CD53: variants seen among roughly 807,000 people sequenced by gnomAD.
CD53 encodes leukocyte surface antigen CD53.
In CD53, 20 loss-of-function variants were observed where a neutral mutation model predicts 27.3. The observed-to-expected ratio is 0.73, with a 90% confidence interval of 0.52 to 1.07. CD53 has a LOEUF of 1.07. Among genes scored for constraint, CD53 ranks in the 50% least tolerant of loss-of-function variants. The pLI is 0.00. For missense variants in CD53, 216 were observed against 264.0 expected, an observed-to-expected ratio of 0.82 and a Z score of 1.26; for synonymous variants, 106 against 105.3, an observed-to-expected ratio of 1.01 and a Z score of -0.04.
At chr1:110,883,035 T>C (rs1656419302) in intron 1 of CD53, among the ~76,000 whole-genome samples, 1 of 151,960 alleles carries the variant, frequency 6.6e-6, no homozygotes, top group South Asian at 2.1e-4. Context: ...TTCTTTCCAG[T>C]TTGGATGCCA....
At chr1:110,876,201 A>G (rs559269910) in intron 1 of CD53, among the ~76,000 whole-genome samples, 2 of 152,344 alleles carry the variant, frequency 1.3e-5, no homozygotes, top group Admixed American at 6.5e-5. Flanking sequence ...CTTACTTTTC[A>G]GGTAAAATGA....
Position 110,899,271 on chromosome 1 carries a change from A to G in CD53, c.*76A>G, listed in dbSNP as rs970840892. ...AACCATTTATAGCATGAAGCCCTAC[A>G]TGATCACTGCAGGATGATCCTCCTC... On this transcript the variant is annotated 3_prime_UTR_variant, in exon 8 of 8. Transcript: ENST00000271324. 4 of 1,019,958 alleles carry G rather than the reference A, an allele frequency of 3.9e-6. No homozygotes were observed. The highest frequency in any genetic ancestry group is 3.1e-5 in the African/African-American group (2 of 64,740). 63.2% of individuals were successfully genotyped at this position (1,019,958 alleles called of 1,614,324 possible). A position where few individuals can be genotyped will look rare whatever the true frequency, so the allele number is the denominator to read the frequency against.
At chr1:110,877,629 TCTTC>T (rs1420982887) in intron 1 of CD53, among the ~76,000 whole-genome samples, 2 of 152,238 alleles carry the variant, frequency 1.3e-5, no homozygotes, top group East Asian at 1.9e-4. Context: ...CCTCTTTTCT[TCTTC>T]CTTATTTCTC....
chr1:110,885,159 C>T (rs949519194), intron 1 of CD53, among the ~76,000 whole-genome samples: 28 of 152,140 alleles, frequency 1.8e-4, no homozygotes, highest in African/African-American at 6.0e-4. Flanking sequence ...TCTCCCTTCC[C>T]AGTCTCTACA....
In CD53 at chr1:110,884,762, CT is replaced by C. The variant is rs777332643; in HGVS notation, c.-17-6623del. Among the ~76,000 whole-genome samples, 28 of 152,074 alleles carry C rather than the reference CT, an allele frequency of 1.8e-4. No individual in the cohort carries two copies. The East Asian group carries it at 3.9e-3, about 21-fold the overall frequency. ...TTTAGTCTAATATAGACACTCCAGCCTTTTTTTCCCTTTTATTAGTGTTAGT... is the reference window on the plus strand; with the variant it reads ...TTTAGTCTAATATAGACACTCCAGCCTTTTTTCCCTTTTATTAGTGTTAGT... On this transcript the variant is annotated intron_variant, in intron 1 of 7. Transcript: ENST00000271324.
chr1:110,877,036 A>G (rs1656155153), intron 1 of CD53, among the ~76,000 whole-genome samples: 1 of 152,180 alleles, frequency 6.6e-6, no homozygotes, highest in Admixed American at 6.5e-5. Flanking sequence ...TATGCAATAT[A>G]ATTAACAATC....
intron 4 of CD53, 97 bp from the exon 5 acceptor site, chr1:110,894,863 A>G: frequency 3.5e-6 from 3 of 849,058 alleles, no homozygotes; most frequent in Non-Finnish European, 6.0e-6. Flanking sequence ...TTGGAAGGGA[A>G]GCGCAAGTGG....
chr1:110,871,403 A>C (rs1055759026), upstream of CD53, among the ~76,000 whole-genome samples: 7 of 152,054 alleles, frequency 4.6e-5, no homozygotes, highest in African/African-American at 7.2e-5. Context: ...TTAAGAGGAC[A>C]CCTGGTTTCT....
At chr1:110,890,409 A>C (rs1032166582) in intron 1 of CD53, among the ~76,000 whole-genome samples, 1 of 152,088 alleles carries the variant, frequency 6.6e-6, no homozygotes, top group Admixed American at 6.6e-5. Context: ...TCTACTAAAA[A>C]TACAAAAATT....
At chr1:110,896,050 G>A (rs530576974) in intron 5 of CD53, among the ~76,000 whole-genome samples, 1 of 152,206 alleles carries the variant, frequency 6.6e-6, no homozygotes, top group East Asian at 1.9e-4. Flanking sequence ...GTTTATATTT[G>A]AATGATAGGT....
chr1:110,885,493 G>C (rs1359436068), intron 1 of CD53, among the ~76,000 whole-genome samples: 1 of 147,974 alleles, frequency 6.8e-6, no homozygotes, highest in African/African-American at 2.5e-5. Context: ...AGCCGAGATC[G>C]CGCCACTGCA....
chr1:110,890,503 G>A (rs937979838), intron 1 of CD53, among the ~76,000 whole-genome samples: 5 of 152,066 alleles, frequency 3.3e-5, no homozygotes, highest in African/African-American at 1.2e-4. Flanking sequence ...GGAGGTGAAG[G>A]TTGCAGTGAA....
At chr1:110,871,520 A>G (rs2101031423), upstream of CD53, among the ~76,000 whole-genome samples, 1 of 152,178 alleles carries the variant, frequency 6.6e-6, no homozygotes, top group Middle Eastern at 3.4e-3. Flanking sequence ...GAAGTTGGAT[A>G]TTGGATTTGA....
chr1:110,876,857 A>G (rs1387047614), intron 1 of CD53, among the ~76,000 whole-genome samples: 2 of 152,224 alleles, frequency 1.3e-5, no homozygotes, highest in Non-Finnish European at 2.9e-5. Context: ...CAGATTTCCA[A>G]AATATTAACA....
intron 1 of CD53, among the ~76,000 whole-genome samples, chr1:110,879,955 C>T (rs1365348932): frequency 6.6e-6 from 1 of 151,918 alleles, no homozygotes; most frequent in South Asian, 2.1e-4. Flanking sequence ...GCTGTTAGTA[C>T]AGGTCAAAAA....
rs1557818989 is a variant in CD53 at position 110,891,426 on chromosome 1, G to A, written c.18G>A (p.Leu6=). The A allele has an allele frequency of 6.2e-7, 1 of 1,613,916 alleles. No individual in the cohort carries two copies. The highest frequency in any genetic ancestry group is 8.5e-7 in the Non-Finnish European group (1 of 1,179,788). The change falls in exon 2 of 8, where the codon TTG becomes TTA. Residue 6 remains leucine, a synonymous_variant. Coordinates refer to ENST00000271324, the MANE Select transcript of CD53 (RefSeq NM_000560.4). Reference sequence around the variant, plus strand: ...ATCACGGCATGGGCATGAGTAGCTTGAAACTGCTGAAGTATGTCCTGTTTT... The same window carrying A: ...ATCACGGCATGGGCATGAGTAGCTTAAAACTGCTGAAGTATGTCCTGTTTT... The part of the protein sequence containing the change: MGMSS[L]KLLKYVLFFF...
intron 1 of CD53, among the ~76,000 whole-genome samples, chr1:110,884,471 CAGTT>C (rs1205382208): frequency 4.6e-5 from 7 of 152,056 alleles, no homozygotes; most frequent in African/African-American, 1.7e-4. Flanking sequence ...CTATCACAAT[CAGTT>C]AGTTTAAGTT....
Position 110,892,398 on chromosome 1 carries a change from C to A in CD53, c.117C>A (p.Asn39Lys). 2 of 1,614,022 alleles carry A rather than the reference C, an allele frequency of 1.2e-6. No homozygotes were observed. The highest frequency in any genetic ancestry group is 2.2e-5 in the South Asian group (2 of 91,080). The change falls in exon 3 of 8, where the codon AAC (asparagine) becomes AAA (lysine). Residue 39 changes from asparagine to lysine, a missense_variant. Coordinates refer to ENST00000271324, the MANE Select transcript of CD53 (RefSeq NM_000560.4). ...GGATCTACCTGCTGATCCACAACAACTTCGGAGTGCTCTTCCATAACCTCC... is the reference window on the plus strand; with the variant it reads ...GGATCTACCTGCTGATCCACAACAAATTCGGAGTGCTCTTCCATAACCTCC... ...GFGIYLLIHN[N>K]FGVLFHNLPS...
chr1:110,889,328 G>A (rs571220922), intron 1 of CD53, among the ~76,000 whole-genome samples: 1 of 151,882 alleles, frequency 6.6e-6, no homozygotes, highest in Non-Finnish European at 1.5e-5. Flanking sequence ...AGGCTGAGAC[G>A]GGTAGATCAC....
Sources: allele counts gnomAD v4.1 joint callset (sites outside exome capture counted in the v4.1 genomes callset), GRCh38; gene constraint gnomAD v4.1.1; transcripts MANE v1.5; gene names NCBI Gene and HGNC (gene_info 2026-07-23, HGNC 2026-07-21).